LMF1: variants seen among roughly 807,000 people sequenced by gnomAD.
The protein encoded by LMF1 is lipase maturation factor 1, also known as transmembrane protein 112.
LMF1 carries 68 observed loss-of-function variants against 60.6 expected under a neutral mutation model. The observed-to-expected ratio is 1.12, with a 90% CI of 0.92 to 1.37. The LOEUF is 1.37. LMF1 is among the 40% of genes most tolerant of loss of function. LMF1 has a pLI of 0.00. For missense variants in LMF1, 948 were observed against 767.2 expected (o/e 1.24, Z -2.78); for synonymous variants, 418 against 324.7 (o/e 1.29, Z -3.09).
intron 3 of LMF1, among the ~76,000 whole-genome samples, chr16:916,582 CGCGCCAGTG>C (rs1555460100): frequency 6.6e-6 from 1 of 152,204 alleles, no homozygotes; most frequent in Non-Finnish European, 1.5e-5. Context: ...GCTCTCGCTG[CGCGCCAGTG>C]GCGGGGCTGG....
At chr16:865,212 T>C (rs1349719957) in intron 10 of LMF1, among the ~76,000 whole-genome samples, 1 of 152,244 alleles carries the variant, frequency 6.6e-6, no homozygotes, top group African/African-American at 2.4e-5. Flanking sequence ...TATGTCCATT[T>C]GCCCTCATCC....
At chr16:921,919 T>G (rs550637055) in intron 3 of LMF1, among the ~76,000 whole-genome samples, 1 of 152,152 alleles carries the variant, frequency 6.6e-6, no homozygotes, top group Non-Finnish European at 1.5e-5. Context: ...AAACAAAACA[T>G]AAGTAAGAGA....
At chr16:973,214 G>A (rs143247638), upstream of LMF1, among the ~76,000 whole-genome samples, 1,761 of 152,162 alleles carry the variant, frequency 0.012, 26 homozygotes, top group South Asian at 0.099. Flanking sequence ...GTGTGGTGGC[G>A]GGCACCTGTA....
intron 3 of LMF1, among the ~76,000 whole-genome samples, chr16:916,214 G>A (rs1416731650): frequency 1.3e-5 from 2 of 152,062 alleles, no homozygotes; most frequent in East Asian, 1.9e-4. Context: ...AGTTACTTAG[G>A]GAGAGTCATT....
chr16:923,221 A>G (rs937170181), intron 3 of LMF1, among the ~76,000 whole-genome samples: 2 of 152,202 alleles, frequency 1.3e-5, no homozygotes, highest in African/African-American at 4.8e-5. Context: ...GATCTGCGTC[A>G]TGGCAAAACA....
At chr16:932,557 AAAT>A (rs2071820799) in intron 3 of LMF1, among the ~76,000 whole-genome samples, 1 of 152,178 alleles carries the variant, frequency 6.6e-6, no homozygotes, top group Admixed American at 6.5e-5. Context: ...AACTGGGAAA[AAAT>A]AATACTGTTG....
In LMF1 at chr16:953,894, TACAC is replaced by T. The variant is rs2072574265; in HGVS notation, c.503+459_503+462del. On this transcript the variant is annotated intron_variant, in intron 2 of 10. Transcript: ENST00000262301. ...ACACAGACACCCCAAACCAGCCTCCTACACGTCCACACAGACACCCACCCCAAAC... is the reference window on the plus strand; with the variant it reads ...ACACAGACACCCCAAACCAGCCTCCTGTCCACACAGACACCCACCCCAAAC... Among the ~76,000 whole-genome samples the T allele has an allele frequency of 1.1e-4, 10 of 88,580 alleles. 5 individuals are homozygous for T. In the East Asian group the frequency reaches 9.0e-3, roughly 80 times the overall value. The allele number at this position is 88,580 out of a possible 152,430, so 58.1% of individuals were successfully genotyped here.
chr16:896,668 G>A (rs567261553), intron 4 of LMF1, among the ~76,000 whole-genome samples: 5 of 152,244 alleles, frequency 3.3e-5, no homozygotes, highest in East Asian at 3.9e-4. Flanking sequence ...CGGCTCCACC[G>A]GGCAGGGGCA....
At chr16:863,344 G>C (rs140385117) in intron 10 of LMF1, among the ~76,000 whole-genome samples, 6,487 of 152,190 alleles carry the variant, frequency 0.043, 495 homozygotes, top group African/African-American at 0.15. Flanking sequence ...GTTTCACCAT[G>C]TTGGCCATGC....
intron 2 of LMF1, among the ~76,000 whole-genome samples, chr16:952,310 C>A (rs1377949390): frequency 6.6e-6 from 1 of 150,496 alleles, no homozygotes; most frequent in Non-Finnish European, 1.5e-5. Flanking sequence ...AAGTGGGGAC[C>A]CCCCCCCACA....
chr16:953,257 C>T (rs1477753094), intron 2 of LMF1, among the ~76,000 whole-genome samples: 27 of 59,566 alleles, frequency 4.5e-4, no homozygotes, highest in African/African-American at 6.6e-4. Context: ...AGACACCCAC[C>T]CCAAACCAGC....
chr16:970,661 A>G, intron 1 of LMF1, 127 bp downstream of exon 1: 1 of 861,312 alleles, frequency 1.2e-6, no homozygotes, highest in Non-Finnish European at 1.7e-6. Flanking sequence ...CCCGGGCCCC[A>G]GCAGGAAGGA....
At chr16:884,033 C>T (rs528840237) in intron 5 of LMF1, 2 of 152,260 alleles carry the variant, frequency 1.3e-5, no homozygotes, top group African/African-American at 4.8e-5. Flanking sequence ...TGCTTCATGT[C>T]TTTTGAAGCT....
chr16:951,132 G>A (rs1348375331), intron 2 of LMF1, among the ~76,000 whole-genome samples: 2 of 61,456 alleles, frequency 3.3e-5, no homozygotes, highest in African/African-American at 1.2e-4. Context: ...AGAGTCAGCC[G>A]ACAGAGTCAG....
At chr16:977,785 C>T (rs1464384768) in intron 1 of LMF1, among the ~76,000 whole-genome samples, 1 of 151,988 alleles carries the variant, frequency 6.6e-6, no homozygotes, top group African/African-American at 2.4e-5. Context: ...CCCTGGGCAG[C>T]CCTGCTTCCT....
chr16:877,981 G>C (rs1026905722), intron 6 of LMF1, among the ~76,000 whole-genome samples: 2 of 152,092 alleles, frequency 1.3e-5, no homozygotes, highest in Admixed American at 6.5e-5. Flanking sequence ...AACGCGCGTG[G>C]GGTCTGGCTA....
intron 1 of LMF1, among the ~76,000 whole-genome samples, chr16:978,634 C>T (rs910705348): frequency 2.0e-5 from 3 of 152,176 alleles, no homozygotes; most frequent in Non-Finnish European, 4.4e-5. Flanking sequence ...ATACTTGAAA[C>T]GTACACTCCC....
At chr16:975,757 CAG>C (rs1184205377), upstream of LMF1, 1 of 450,620 alleles carries the variant, frequency 2.2e-6, no homozygotes. Flanking sequence ...TGGGAGACAG[CAG>C]AGACATTTTC....
At chr16:972,869 G>A (rs771223001), upstream of LMF1, among the ~76,000 whole-genome samples, 7 of 152,244 alleles carry the variant, frequency 4.6e-5, no homozygotes, top group African/African-American at 9.6e-5. Context: ...TTCTCTCTGA[G>A]CTCAAGTTTC....
Sources: allele counts gnomAD v4.1 joint callset (sites outside exome capture counted in the v4.1 genomes callset), GRCh38; gene constraint gnomAD v4.1.1; transcripts MANE v1.5; gene names NCBI Gene and HGNC (gene_info 2026-07-23, HGNC 2026-07-21).